Variants in COL5A2 observed in about 807,000 individuals in gnomAD.
COL5A2 encodes collagen type V alpha 2 chain.
COL5A2 carries 23 observed loss-of-function variants against 208.2 expected under a neutral mutation model. That is an observed-to-expected ratio of 0.11 (90% CI 0.08 to 0.16). The LOEUF (loss-of-function observed/expected upper bound fraction) is 0.16. Among genes scored for constraint, COL5A2 ranks in the 10% least tolerant of loss-of-function variants. The pLI is 1.00. For synonymous variants in COL5A2, 625 were observed against 628.5 expected (o/e 0.99, Z 0.08); for missense variants, 1,590 against 1,956.4 (o/e 0.81, Z 3.53).
At chr2:189,420,010 G>A in the COL5A2 span, among the ~76,000 whole-genome samples, 2 of 144,764 alleles carry the variant, frequency 1.4e-5, no homozygotes, top group African/African-American at 5.1e-5. Flanking sequence ...AGAGGAGGAG[G>A]AGGAGATGAG....
chr2:189,305,952 C>T, the COL5A2 span, among the ~76,000 whole-genome samples: 1 of 152,092 alleles, frequency 6.6e-6, no homozygotes, highest in African/African-American at 2.4e-5. Flanking sequence ...AGTGGATTCA[C>T]TTTACAGGAG....
the COL5A2 span, among the ~76,000 whole-genome samples, chr2:189,239,880 C>T: frequency 6.6e-6 from 1 of 152,078 alleles, no homozygotes; most frequent in African/African-American, 2.4e-5. Context: ...TGTCCCCTAG[C>T]ATCTCCAGAA....
chr2:189,093,814 T>C (rs925110206), intron 6 of COL5A2, among the ~76,000 whole-genome samples: 2 of 152,226 alleles, frequency 1.3e-5, no homozygotes, highest in African/African-American at 4.8e-5. Context: ...CTGGATCATA[T>C]GAATGAGAGT....
chr2:189,349,158 A>C, the COL5A2 span, among the ~76,000 whole-genome samples: 16 of 152,276 alleles, frequency 1.1e-4, no homozygotes, highest in South Asian at 8.3e-4. Flanking sequence ...GTCTTGTCAG[A>C]TGATTCCTTA....
At position 189,033,554 on chromosome 2, in the gene COL5A2, C is replaced by T; in HGVS notation, c.*516G>A. On this transcript the variant is annotated 3_prime_UTR_variant, in exon 54 of 54. Transcript: ENST00000374866. ...AATATCAAGACATGCATGTAGGTCT[C>T]GATCACAAGTTAAACATTTTAAACT... 1 of 168,440 alleles carries T rather than the reference C, an allele frequency of 5.9e-6. No homozygotes were observed. The highest frequency in any genetic ancestry group is 1.3e-5 in the Non-Finnish European group (1 of 76,866). The allele number at this position is 168,440 out of a possible 1,614,324, so 10.4% of individuals were successfully genotyped here.
At chr2:189,079,283 T>C (rs1353743843) in intron 14 of COL5A2, among the ~76,000 whole-genome samples, 176 bp from the exon 15 acceptor site, 1 of 152,172 alleles carries the variant, frequency 6.6e-6, no homozygotes, top group East Asian at 1.9e-4. Flanking sequence ...AATAGTAGTG[T>C]AGTTTTAAAG....
At chr2:189,127,885 G>A (rs529444811) in intron 1 of COL5A2, among the ~76,000 whole-genome samples, 1 of 152,132 alleles carries the variant, frequency 6.6e-6, no homozygotes, top group East Asian at 1.9e-4. Context: ...ATTTATATAA[G>A]GCTATGATCA....
chr2:189,240,320 CCACTGTCT>C, the COL5A2 span, among the ~76,000 whole-genome samples: 8 of 152,066 alleles, frequency 5.3e-5, no homozygotes, highest in African/African-American at 1.9e-4. Context: ...TTGTAGGTGA[CCACTGTCT>C]CACTGTATTC....
chr2:189,050,150 A>G (rs1685753005), intron 43 of COL5A2, among the ~76,000 whole-genome samples: 2 of 151,996 alleles, frequency 1.3e-5, no homozygotes, highest in Admixed American at 1.3e-4. Flanking sequence ...CCCTACATTC[A>G]CCTCAAATAT....
At chr2:189,339,283 G>A in the COL5A2 span, among the ~76,000 whole-genome samples, 4 of 151,692 alleles carry the variant, frequency 2.6e-5, no homozygotes, top group Admixed American at 6.6e-5. Context: ...CCTTGGAAGC[G>A]GAGGTTACAG....
At position 189,052,897 on chromosome 2, in the gene COL5A2, T is replaced by C; in HGVS notation, c.2661+14A>G. ...GCACTTGACTCAAGTTATGCCTTTT[T>C]CTTGTTAACTTACATGAGGGCCAGG... is the stretch of plus-strand genomic sequence containing the variant. On this transcript the variant is annotated intron_variant, in intron 39 of 53. Transcript: ENST00000374866. 1 of 1,613,552 alleles carries C rather than the reference T, an allele frequency of 6.2e-7. No homozygotes were observed. The highest frequency in any genetic ancestry group is 1.1e-5 in the South Asian group (1 of 91,038).
At chr2:189,042,850 A>C in intron 48 of COL5A2, 77 bp from the exon 49 acceptor site, 1 of 1,386,144 alleles carries the variant, frequency 7.2e-7, no homozygotes, top group Non-Finnish European at 1.0e-6. Context: ...ATGTGCTATC[A>C]TTGACTTTAG....
chr2:189,210,047 C>A (rs1689192330), intron 1 of COL5A2, among the ~76,000 whole-genome samples: 1 of 152,104 alleles, frequency 6.6e-6, no homozygotes. Flanking sequence ...AATATAAATC[C>A]TCCTGGTCCT....
At chr2:189,379,589 G>A in the COL5A2 span, among the ~76,000 whole-genome samples, 1 of 152,130 alleles carries the variant, frequency 6.6e-6, no homozygotes, top group Non-Finnish European at 1.5e-5. Context: ...CATGTTAGTG[G>A]AGTGTTTTGT....
chr2:189,357,355 C>T, the COL5A2 span, among the ~76,000 whole-genome samples: 1 of 152,184 alleles, frequency 6.6e-6, no homozygotes, highest in Admixed American at 6.5e-5. Context: ...CCCCCAGGTG[C>T]TCTGTCTCAG....
chr2:189,248,882 A>C, the COL5A2 span, among the ~76,000 whole-genome samples: 1 of 152,166 alleles, frequency 6.6e-6, no homozygotes, highest in Non-Finnish European at 1.5e-5. Context: ...CTACATCATT[A>C]ATATAATTTT....
rs59985928 is a variant in COL5A2, at chr2:189,217,373, A to G, written c.-42+7775T>C. The stretch of plus-strand genomic sequence containing the variant: ...AAAGATATTTTAACTGTAATAAATT[A>G]AGGCCACTCTGGCTTCCTTTTTGTC... On this transcript the variant is annotated intron_variant, in intron 1 of 10. Transcript: ENST00000649966. Among the ~76,000 whole-genome samples the G allele has an allele frequency of 3.4e-3, 520 of 152,326 alleles. 2 individuals are homozygous for G. The highest frequency in any genetic ancestry group is 0.012 in the African/African-American group (483 of 41,566).
chr2:189,398,490 T>C, the COL5A2 span, among the ~76,000 whole-genome samples: 3 of 152,172 alleles, frequency 2.0e-5, no homozygotes, highest in Non-Finnish European at 2.9e-5. Context: ...TCCTTAAAGA[T>C]TGAAACTTTT....
At chr2:189,318,033 T>C in the COL5A2 span, among the ~76,000 whole-genome samples, 1 of 152,180 alleles carries the variant, frequency 6.6e-6, no homozygotes. Context: ...GTTTGTTTGT[T>C]TTTACTCTCA....
Sources: gnomAD v4.1 joint callset for allele counts (sites outside exome capture counted in the v4.1 genomes callset) on GRCh38, gnomAD v4.1.1 for gene constraint, MANE v1.5 for transcripts, NCBI Gene and HGNC (gene_info 2026-07-23, HGNC 2026-07-21) for gene names.